The following SEMA6D variants were observed in gnomAD, a reference collection of about 807,000 sequenced individuals.
SEMA6D encodes the protein semaphorin-6D.
SEMA6D carries 35 observed loss-of-function variants against 106.6 expected under a neutral mutation model. The ratio of observed to expected loss-of-function variants is 0.33; its 90% CI spans 0.25 to 0.44. SEMA6D has a LOEUF of 0.44. SEMA6D is among the 20% of genes least tolerant of loss of function. The pLI is 1.00. For synonymous variants in SEMA6D, 499 were observed against 487.7 expected (o/e 1.02, Z -0.31); for missense variants, 1,185 against 1,345.9 (o/e 0.88, Z 1.87).
intron 1 of SEMA6D, among the ~76,000 whole-genome samples, chr15:47,263,432 C>G (rs2034169905): frequency 6.6e-6 from 1 of 151,996 alleles, no homozygotes; most frequent in Non-Finnish European, 1.5e-5. Context: ...ATGAGGCCAA[C>G]AATCATCTGG....
chr15:47,205,429 A>G (rs282513), intron 1 of SEMA6D, among the ~76,000 whole-genome samples: 7,174 of 152,258 alleles, frequency 0.047, 211 homozygotes, highest in South Asian at 0.12. Flanking sequence ...GAATTAATCA[A>G]TGAGTGAGTG....
At chr15:47,500,762 A>C (rs2043820572) in intron 3 of SEMA6D, among the ~76,000 whole-genome samples, 1 of 151,952 alleles carries the variant, frequency 6.6e-6, no homozygotes, top group Non-Finnish European at 1.5e-5. Context: ...ACTAATAGAT[A>C]AAAAAATAGT....
At chr15:47,514,993 T>C (rs543499064) in intron 3 of SEMA6D, among the ~76,000 whole-genome samples, 5 of 152,214 alleles carry the variant, frequency 3.3e-5, no homozygotes, top group Admixed American at 2.0e-4. Context: ...ACATGATCTG[T>C]GTACCTATTA....
intron 4 of SEMA6D, among the ~76,000 whole-genome samples, chr15:47,683,253 C>T (rs957347839): frequency 1.3e-5 from 2 of 152,148 alleles, no homozygotes; most frequent in Non-Finnish European, 1.5e-5. Flanking sequence ...ATTATTTCCT[C>T]GGTATGTCCA....
intron 1 of SEMA6D, chr15:47,274,132 C>T (rs1353956523): frequency 1.3e-5 from 2 of 152,038 alleles, no homozygotes; most frequent in African/African-American, 2.4e-5. Flanking sequence ...TCTTGCACAT[C>T]AACATACGCA....
chr15:47,346,079 C>G (rs752613800), intron 1 of SEMA6D, among the ~76,000 whole-genome samples: 1 of 152,178 alleles, frequency 6.6e-6, no homozygotes, highest in Non-Finnish European at 1.5e-5. Flanking sequence ...CATCAGGAAC[C>G]CTGTTGCTAC....
chr15:47,201,066 T>C (rs901672521), intron 1 of SEMA6D, among the ~76,000 whole-genome samples: 3 of 152,218 alleles, frequency 2.0e-5, no homozygotes, highest in African/African-American at 7.2e-5. Context: ...TTTTGCCTTG[T>C]CTTATTCATC....
rs374484343 is a variant in SEMA6D, at chr15:47,257,357, A to T, written c.-239+72939A>T. On this transcript the variant is annotated intron_variant, in intron 1 of 19. Coordinates refer to the SEMA6D transcript ENST00000558014. Reference sequence around the variant, plus strand: ...CAGGCGTGAGCCACTGCACCCGACCAATTCTTTTCTTTTTCTTTAGGTAGG... The same window carrying T: ...CAGGCGTGAGCCACTGCACCCGACCTATTCTTTTCTTTTTCTTTAGGTAGG... 4.8e-4 allele frequency among the ~76,000 whole-genome samples: 73 copies of T among 152,216 alleles called. 1 individual carries two copies. The highest frequency in any genetic ancestry group is 1.6e-3 in the African/African-American group (65 of 41,550).
chr15:47,362,454 G>A lies in SEMA6D; in HGVS notation c.-238-49939G>A, dbSNP rs1360538139. Among the ~76,000 whole-genome samples, 3 of 152,226 alleles carry A rather than the reference G, an allele frequency of 2.0e-5. No individual in the cohort carries two copies. The South Asian group carries it at 6.2e-4, about 32-fold the overall frequency. On this transcript the variant is annotated intron_variant, in intron 1 of 19. Transcript: ENST00000558014. ...AGATTAACCAGCAGAGGTGCCCCGGGTTCTCCGTTCTGCTCCTGACCAGGA... is the reference window on the plus strand; with the variant it reads ...AGATTAACCAGCAGAGGTGCCCCGGATTCTCCGTTCTGCTCCTGACCAGGA...
At chr15:47,380,053 G>A (rs1177703675) in intron 1 of SEMA6D, among the ~76,000 whole-genome samples, 1 of 152,166 alleles carries the variant, frequency 6.6e-6, no homozygotes, top group African/African-American at 2.4e-5. Context: ...ACCATGCCCG[G>A]CCAAGATTTT....
chr15:47,300,492 A>C (rs2142991639), intron 1 of SEMA6D, among the ~76,000 whole-genome samples: 1 of 152,216 alleles, frequency 6.6e-6, no homozygotes, highest in South Asian at 2.1e-4. Flanking sequence ...AACGTGAATA[A>C]AACGTGTCCC....
At chr15:47,426,315 T>G (rs1324324395) in intron 2 of SEMA6D, among the ~76,000 whole-genome samples, 1 of 151,880 alleles carries the variant, frequency 6.6e-6, no homozygotes, top group African/African-American at 2.4e-5. Flanking sequence ...GGTGCTAGAG[T>G]TTTGTTATTT....
intron 4 of SEMA6D, among the ~76,000 whole-genome samples, chr15:47,710,884 A>G (rs182049336): frequency 2.0e-5 from 3 of 152,296 alleles, no homozygotes; most frequent in Non-Finnish European, 4.4e-5. Flanking sequence ...TTTTCAGCAT[A>G]TATCACAATT....
chr15:47,336,227 C>A (rs1248949706), intron 1 of SEMA6D, among the ~76,000 whole-genome samples: 1 of 152,088 alleles, frequency 6.6e-6, no homozygotes, highest in Non-Finnish European at 1.5e-5. Context: ...CTGATTGTGT[C>A]GTGGGAATGG....
At chr15:47,359,962 G>A (rs1270700704) in intron 1 of SEMA6D, 2 of 152,100 alleles carry the variant, frequency 1.3e-5, no homozygotes, top group African/African-American at 4.8e-5. Context: ...TGCTTGGTGT[G>A]ATTTTGGCCC....
rs757406183 is a variant in SEMA6D, at chr15:47,227,433, CTTTCT to C, written c.-239+43023_-239+43027del. 6.5e-4 allele frequency among the ~76,000 whole-genome samples: 94 copies of C among 144,810 alleles called. 3 individuals carry two copies. The highest frequency in any genetic ancestry group is 2.2e-3 in the African/African-American group (84 of 38,520). On this transcript the variant is annotated intron_variant, in intron 1 of 19. Transcript: ENST00000558014. ...TTTCTTTCTTTCTCTTTCTTTCTTTCTTTCTTTTCTTTCTTTTCTTTCTTTTCTTT... is the reference window on the plus strand; with the variant it reads ...TTTCTTTCTTTCTCTTTCTTTCTTTCTTTCTTTCTTTTCTTTCTTTTCTTT...
At chr15:47,398,561 C>G (rs971672518) in intron 1 of SEMA6D, among the ~76,000 whole-genome samples, 1 of 152,040 alleles carries the variant, frequency 6.6e-6, no homozygotes, top group African/African-American at 2.4e-5. Context: ...AAATTCAGTT[C>G]CCACTCCCTG....
chr15:47,312,214 G>A (rs1463852062), intron 1 of SEMA6D, among the ~76,000 whole-genome samples: 2 of 150,312 alleles, frequency 1.3e-5, no homozygotes, highest in South Asian at 2.1e-4. Context: ...GGATGACAGC[G>A]ATAGCTCCTT....
chr15:47,552,468 A>ATGTG (rs141932315), intron 3 of SEMA6D, among the ~76,000 whole-genome samples: 2 of 145,480 alleles, frequency 1.4e-5, no homozygotes, highest in African/African-American at 5.0e-5. Context: ...ATGGCAATGT[A>ATGTG]TGTGTGTGTG....
Sources: gnomAD v4.1 joint callset for allele counts (sites outside exome capture counted in the v4.1 genomes callset) on GRCh38, gnomAD v4.1.1 for gene constraint, MANE v1.5 for transcripts, NCBI Gene and HGNC (gene_info 2026-07-23, HGNC 2026-07-21) for gene names.